The following GSDMB variants were observed in gnomAD, a reference collection of about 807,000 sequenced individuals.
GSDMB encodes the protein gasdermin-B.
In GSDMB, 32 loss-of-function variants were observed where a neutral mutation model predicts 42.9. The ratio of observed to expected loss-of-function variants is 0.75; its 90% CI spans 0.56 to 1.00. The LOEUF (loss-of-function observed/expected upper bound fraction) is 1.00. Ranked by LOEUF, GSDMB falls within the 50% of genes least tolerant of loss-of-function variation. The pLI, the probability that GSDMB is intolerant of heterozygous loss-of-function variation, is 0.00. For synonymous variants in GSDMB, 175 were observed against 193.7 expected, an observed-to-expected ratio of 0.90 and a Z score of 0.80; for missense variants, 468 against 498.5, an observed-to-expected ratio of 0.94 and a Z score of 0.58.
chr17:39,916,617 A>G (rs1003830978), intron 2 of GSDMB, among the ~76,000 whole-genome samples: 4 of 152,076 alleles, frequency 2.6e-5, no homozygotes, highest in Non-Finnish European at 5.9e-5. Flanking sequence ...ACAGTCCTCT[A>G]GAGTTGACAC....
intron 2 of GSDMB, 132 bp from the exon 3 acceptor site, chr17:39,912,629 C>T: frequency 2.9e-6 from 2 of 693,436 alleles, no homozygotes; most frequent in African/African-American, 1.8e-5. Flanking sequence ...AGCGCCACAG[C>T]TGTGGCTGTC....
chr17:39,907,145 G>C, intron 6 of GSDMB, 158 bp from the exon 7 acceptor site: 2 of 1,468,962 alleles, frequency 1.4e-6, no homozygotes, highest in Non-Finnish European at 1.8e-6. Flanking sequence ...CAATGGGAAA[G>C]CACTGTATTT....
intron 2 of GSDMB, 149 bp downstream of exon 2, chr17:39,916,933 G>A (rs1020831594): frequency 6.3e-5 from 38 of 600,174 alleles, no homozygotes; most frequent in Non-Finnish European, 8.7e-5. Context: ...CAGCTCTTCC[G>A]TGCATTTCTT....
intron 4 of GSDMB, chr17:39,909,403 C>T (rs1374407449): frequency 2.7e-6 from 1 of 371,458 alleles, no homozygotes; most frequent in Non-Finnish European, 4.9e-6. Context: ...GGGAAATGTA[C>T]AAAGAAAATG....
rs532683860 is a variant in GSDMB at position 39,913,361 on chromosome 17, G to A, written c.236-864C>T. On this transcript the variant is annotated intron_variant, in intron 2 of 10. Coordinates refer to ENST00000418519, the MANE Select transcript of GSDMB (RefSeq NM_001165958.2). The stretch of plus-strand genomic sequence containing the variant: ...GGGTGGGCACGGTGGGGTGGCTCAC[G>A]CCTGTAATCCCAGCACTTTGGGAGG... Among the ~76,000 whole-genome samples, 3 of 152,130 alleles carry A rather than the reference G, an allele frequency of 2.0e-5. No individual in the cohort carries two copies. The East Asian group carries it at 5.8e-4, about 30-fold the overall frequency.
chr17:39,914,369 C>T (rs1568105655), intron 2 of GSDMB, among the ~76,000 whole-genome samples: 1 of 152,168 alleles, frequency 6.6e-6, no homozygotes, highest in Non-Finnish European at 1.5e-5. Flanking sequence ...GTCTGAGAAA[C>T]TGTCACAGCC....
chr17:39,906,527 G>A, intron 7 of GSDMB: 1 of 1,357,276 alleles, frequency 7.4e-7, no homozygotes, highest in Non-Finnish European at 9.5e-7. Context: ...CCACTTCCTG[G>A]AAAAAAACAA....
chr17:39,912,155 G>C (rs1428377893), intron 3 of GSDMB, among the ~76,000 whole-genome samples, 171 bp downstream of exon 3: 1 of 152,104 alleles, frequency 6.6e-6, no homozygotes, highest in African/African-American at 2.4e-5. Flanking sequence ...TGGAAGTAGA[G>C]AGCGAGAGGC....
intron 3 of GSDMB, 48 bp downstream of exon 3, chr17:39,912,278 A>G: frequency 7.0e-7 from 1 of 1,428,450 alleles, no homozygotes; most frequent in Middle Eastern, 2.2e-4. Context: ...CTTGGTGCCC[A>G]AGATGGGCTT....
chr17:39,906,664 T>C, intron 7 of GSDMB: 2 of 1,248,626 alleles, frequency 1.6e-6, no homozygotes, highest in Non-Finnish European at 2.1e-6. Flanking sequence ...CCTGAGGAGT[T>C]ATTACAAATC....
chr17:39,906,637 T>G, intron 7 of GSDMB: 1 of 1,290,998 alleles, frequency 7.7e-7, no homozygotes, highest in East Asian at 3.1e-5. Context: ...TTCTCAACCT[T>G]GACTACATGA....
chr17:39,905,920 G>C lies in GSDMB; in HGVS notation c.954C>G (p.Ser318Arg). ...MEDPDKPLLS[S>R]LFNAAGVLVE... is the part of the protein sequence containing the mutation. ...CCAAGACCCCAGCAGCATTAAAAAG[G>C]CTGCTTAGGAGAGGCTTGTCTGGGT... The change falls in exon 9 of 11, where the codon AGC (serine) becomes AGG (arginine). Residue 318 changes from serine (S) to arginine (R), a missense_variant. By Grantham distance (110) the Ser-to-Arg change is moderately radical (BLOSUM62 -1). Coordinates refer to ENST00000418519, the MANE Select transcript of GSDMB (RefSeq NM_001165958.2). The C allele has an allele frequency of 1.2e-6, 2 of 1,614,080 alleles. No individual in the cohort carries two copies. The highest frequency in any genetic ancestry group is 2.2e-5 in the South Asian group (2 of 91,082).
chr17:39,910,938 C>T (rs1477618243), intron 3 of GSDMB, among the ~76,000 whole-genome samples: 1 of 152,140 alleles, frequency 6.6e-6, no homozygotes, highest in African/African-American at 2.4e-5. Context: ...CCCAGCAATA[C>T]TGTGGTAGGG....
chr17:39,909,841 G>A lies in GSDMB; in HGVS notation c.491C>T (p.Thr164Met), dbSNP rs1463326353. Residue 164 changes from threonine to methionine, a missense_variant, in exon 4 of 11, where the codon ACG becomes ATG. Transcript: ENST00000418519. Reference protein sequence around the residue: ...NLYLVTETLETVKEETLKSDR... With the variant: ...NLYLVTETLEMVKEETLKSDR... ...GCTTTTCAGGGTTTCCTCCTTTACC[G>A]TCTCCAGAGTTTCTGTCACCAGATA... 14 of 1,613,360 alleles carry A rather than the reference G, an allele frequency of 8.7e-6. No homozygotes were observed. Among genetic ancestry groups the A allele is most frequent in the African/African-American group, 1.3e-5 (1 of 74,886 alleles).
chr17:39,913,469 C>T (rs1318267465), intron 2 of GSDMB, among the ~76,000 whole-genome samples: 2 of 151,998 alleles, frequency 1.3e-5, no homozygotes, highest in East Asian at 1.9e-4. Context: ...CCAAATTAGT[C>T]GGGGGTGGTG....
chr17:39,912,530 C>A (rs764752854), intron 2 of GSDMB, 33 bp from the exon 3 acceptor site: 33 of 1,566,172 alleles, frequency 2.1e-5, no homozygotes, highest in Non-Finnish European at 2.6e-5. Flanking sequence ...CACTCTGGAG[C>A]AGACCCCCAA....
intron 4 of GSDMB, among the ~76,000 whole-genome samples, 184 bp from the exon 5 acceptor site, chr17:39,909,226 T>C (rs181605949): frequency 5.9e-5 from 9 of 152,278 alleles, no homozygotes; most frequent in Admixed American, 5.2e-4. Flanking sequence ...GAGCTGAAAT[T>C]TGAACCCACG....
intron 3 of GSDMB, among the ~76,000 whole-genome samples, chr17:39,910,747 T>G (rs574197724): frequency 6.6e-6 from 1 of 152,130 alleles, no homozygotes; most frequent in Non-Finnish European, 1.5e-5. Context: ...CCTAAAACAG[T>G]CTGATGGAGT....
chr17:39,907,773 T>C (rs1156233389), intron 6 of GSDMB: 1 of 163,258 alleles, frequency 6.1e-6, no homozygotes, highest in Non-Finnish European at 1.3e-5. Context: ...AGGAAAACTG[T>C]GACTTGGGAG....
Sources: gnomAD v4.1 joint callset for allele counts (sites outside exome capture counted in the v4.1 genomes callset) on GRCh38, gnomAD v4.1.1 for gene constraint, MANE v1.5 for transcripts, NCBI Gene and HGNC (gene_info 2026-07-23, HGNC 2026-07-21) for gene names.